The following MACF1 variants were observed in gnomAD, a reference collection of about 807,000 sequenced individuals.
The protein encoded by MACF1 is microtubule actin crosslinking factor 1, also known as microtubule-actin cross-linking factor 1.
MACF1 carries 193 observed loss-of-function variants against 854.8 expected under a neutral mutation model. The observed-to-expected ratio is 0.23, with a 90% CI of 0.20 to 0.25. The LOEUF is 0.25. Among genes scored for constraint, MACF1 ranks in the 10% least tolerant of loss-of-function variants. The probability of loss-of-function intolerance (pLI) is 1.00; values close to 1 mark genes in which losing one functional copy is unlikely to be tolerated. For missense variants in MACF1, 7,722 were observed against 8,929.1 expected (o/e 0.86, Z 5.45); for synonymous variants, 3,185 against 3,226.7 (o/e 0.99, Z 0.44).
intron 55 of MACF1, among the ~76,000 whole-genome samples, 186 bp downstream of exon 55, chr1:39,380,559 AG>A (rs1307857233): frequency 1.3e-5 from 2 of 152,202 alleles, no homozygotes; most frequent in Non-Finnish European, 2.9e-5. Flanking sequence ...CCACTCAAAA[AG>A]TCAGAAGTTT....
intron 58 of MACF1, among the ~76,000 whole-genome samples, chr1:39,408,989 G>C (rs1383596452): frequency 1.3e-5 from 2 of 151,340 alleles, no homozygotes; most frequent in East Asian, 1.9e-4. Flanking sequence ...CGCGTCGCGC[G>C]CTCCCTGGCT....
At chr1:39,156,057 T>G (rs983585381) in intron 2 of MACF1, among the ~76,000 whole-genome samples, 3 of 152,104 alleles carry the variant, frequency 2.0e-5, no homozygotes. Context: ...CCAGCTAATT[T>G]TTTGTATTTT....
chr1:39,451,043 AT>A lies in MACF1; in HGVS notation c.20259-6del. On this transcript the variant is annotated splice_region_variant and splice_polypyrimidine_tract_variant and intron_variant, in intron 84 of 100. Transcript: ENST00000564288. ...CCTAAAAATGGTAGCGTTTGTGTGC[AT>A]TTCTCAGGCAGCACAAGTTGGAGGA... The A allele has an allele frequency of 1.9e-6, 3 of 1,610,588 alleles. No individual in the cohort carries two copies. The highest frequency in any genetic ancestry group is 2.5e-6 in the Non-Finnish European group (3 of 1,178,800).
chr1:39,099,061 T>A (rs80228263), intron 2 of MACF1, among the ~76,000 whole-genome samples: 1 of 152,082 alleles, frequency 6.6e-6, no homozygotes, highest in African/African-American at 2.4e-5. Context: ...CAGCTACTAT[T>A]GGGGAATATA....
chr1:39,148,736 A>G (rs1189697643), intron 2 of MACF1, among the ~76,000 whole-genome samples: 1 of 152,218 alleles, frequency 6.6e-6, no homozygotes, highest in Non-Finnish European at 1.5e-5. Context: ...TGGTGTTATG[A>G]ACAATGAGAT....
In MACF1 at chr1:39,156,964, A is replaced by G. The variant is rs953484234; in HGVS notation, c.220+72526A>G. ...TTGGTTATTACTTTCCCTTTCCATT[A>G]TCTTTTTTTTTTTTTTTTCCTCTAA... On this transcript the variant is annotated intron_variant, in intron 2 of 93. Transcript: ENST00000361689. Among the ~76,000 whole-genome samples the G allele has an allele frequency of 3.0e-3, 292 of 96,138 alleles. 3 individuals carry two copies. The highest frequency in any genetic ancestry group is 0.01 in the African/African-American group (282 of 27,892). The allele number at this position is 96,138 out of a possible 152,430, so 63.1% of individuals were successfully genotyped here.
In MACF1 at chr1:39,368,270, T is replaced by G; in HGVS notation, c.12894T>G (p.Asn4298Lys). 6.2e-7 allele frequency: 1 copy of G among 1,614,082 alleles called. No individual in the cohort carries two copies. Among genetic ancestry groups the G allele is most frequent in the Non-Finnish European group, 8.5e-7 (1 of 1,179,978 alleles). ...GCCAGCATCAGGACAGGGTACAGAA[T>G]CTAAGAAAAGACTTCACAGAGCTAC... is the stretch of plus-strand genomic sequence containing the variant. Reference protein sequence around the residue: ...DLCQHQDRVQNLRKDFTELQK... With the variant: ...DLCQHQDRVQKLRKDFTELQK... The change falls in exon 50 of 101, where the codon AAT becomes AAG. Residue 4298 changes from asparagine to lysine, a missense_variant. Transcript: ENST00000564288.
At chr1:39,435,246 T>A (rs1643948181) in intron 69 of MACF1, among the ~76,000 whole-genome samples, 1 of 152,138 alleles carries the variant, frequency 6.6e-6, no homozygotes, top group South Asian at 2.1e-4. Context: ...TAGAAGTACT[T>A]ATGATTACAG....
At position 39,331,624 on chromosome 1, in the gene MACF1, G is replaced by A. The variant is rs538399859; in HGVS notation, c.5036G>A (p.Gly1679Asp). 6.2e-7 allele frequency: 1 copy of A among 1,614,082 alleles called. No homozygotes were observed. Residue 1679 changes from glycine to aspartate, a missense_variant, in exon 37 of 101, where the codon GGC becomes GAC. Transcript: ENST00000564288. ...CINLEEAFHQ[G>D]LISAWLHSVL... ...AACCTGGAAGAGGCTTTTCATCAAG[G>A]CCTCATTTCTGCATGGCTTCATTCA...
chr1:39,473,134 C>T (rs1183538622), intron 97 of MACF1, among the ~76,000 whole-genome samples: 1 of 152,132 alleles, frequency 6.6e-6, no homozygotes. Context: ...GACGTGTAAG[C>T]GTACCCTGAG....
intron 2 of MACF1, among the ~76,000 whole-genome samples, chr1:39,086,516 TA>T (rs1469584010): frequency 6.6e-6 from 1 of 152,212 alleles, no homozygotes; most frequent in East Asian, 1.9e-4. Flanking sequence ...TGAAGGGCCA[TA>T]ACTCAGGGCC....
At position 39,346,962 on chromosome 1, in the gene MACF1, T is replaced by C; in HGVS notation, c.10582-15T>C. ...TGGTTTTTTGTGTTTTGTTTCCTTT[T>C]TCCATTTACCTTAGGATTTGAAACA... On this transcript the variant is annotated splice_polypyrimidine_tract_variant and intron_variant, in intron 40 of 100. Coordinates refer to ENST00000564288, the MANE Select transcript of MACF1 (RefSeq NM_001394062.1). 6.4e-7 allele frequency: 1 copy of C among 1,569,446 alleles called. No homozygotes were observed. Among genetic ancestry groups the C allele is most frequent in the Non-Finnish European group, 8.7e-7 (1 of 1,150,116 alleles).
chr1:39,089,071 G>A (rs1194351148), intron 2 of MACF1, among the ~76,000 whole-genome samples: 3 of 152,200 alleles, frequency 2.0e-5, no homozygotes, highest in African/African-American at 7.2e-5. Context: ...CAGTCTAGTG[G>A]AGAGGACAGA....
chr1:39,414,092 C>G (rs536042555), intron 58 of MACF1: 1 of 1,606,380 alleles, frequency 6.2e-7, no homozygotes, highest in Non-Finnish European at 8.5e-7. Context: ...TCAGTGCCCA[C>G]CCCCGAGGAG....
chr1:39,280,412 G>A lies in MACF1; in HGVS notation c.529-1796G>A, dbSNP rs115794335. ...CAGCATCTTAGTTTCTGCTTGACAC[G>A]TCCAGTGGCGAGGAGCTCTCCCACA... On this transcript the variant is annotated intron_variant, in intron 6 of 100. Transcript: ENST00000564288. Among the ~76,000 whole-genome samples the A allele has an allele frequency of 5.1e-3, 781 of 152,134 alleles. 5 individuals are homozygous for A. The highest frequency in any genetic ancestry group is 0.018 in the African/African-American group (744 of 41,498).
At chr1:39,150,912 T>C (rs114313925) in intron 2 of MACF1, among the ~76,000 whole-genome samples, 6,482 of 152,330 alleles carry the variant, frequency 0.043, 219 homozygotes, top group Non-Finnish European at 0.066. Context: ...TCCTTGGCAC[T>C]CTACATAGTT....
At chr1:39,469,041 A>G (rs6698781) in intron 96 of MACF1, among the ~76,000 whole-genome samples, 125,108 of 152,172 alleles carry the variant, frequency 0.82, 52,989 homozygotes, top group Non-Finnish European at 0.92. Flanking sequence ...AAAGGAGCCC[A>G]GTGAAGCCCT....
intron 52 of MACF1, chr1:39,373,460 G>A (rs1649429888): frequency 8.3e-6 from 1 of 121,088 alleles, no homozygotes; most frequent in Non-Finnish European, 1.6e-5. Flanking sequence ...GACAGAGTGA[G>A]ACTCCATCTC....
chr1:39,301,190 G>A (rs1345917734), intron 22 of MACF1, among the ~76,000 whole-genome samples: 4 of 150,696 alleles, frequency 2.7e-5, no homozygotes, highest in Admixed American at 6.6e-5. Flanking sequence ...GCAGTGGCAC[G>A]ATCTCAGCTC....
Sources: gnomAD v4.1 joint callset for allele counts (sites outside exome capture counted in the v4.1 genomes callset) on GRCh38, gnomAD v4.1.1 for gene constraint, MANE v1.5 for transcripts, NCBI Gene and HGNC (gene_info 2026-07-23, HGNC 2026-07-21) for gene names.